Variants in DMD observed in about 807,000 individuals in gnomAD.
DMD encodes mutant dystrophin.
A neutral mutation model predicts 330.1 loss-of-function variants in DMD; 63 were observed. That is an observed-to-expected ratio of 0.19 (90% CI 0.16 to 0.24). The LOEUF is 0.24. Ranked by LOEUF, DMD falls within the 10% of genes least tolerant of loss-of-function variation. DMD has a pLI of 1.00. For missense variants in DMD, 3,344 were observed against 2,684.1 expected (o/e 1.25, Z -5.43); for synonymous variants, 1,223 against 959.8 (o/e 1.27, Z -5.07).
chrX:32,134,352 C>T (rs1454295162), intron 44 of DMD, among the ~76,000 whole-genome samples: 1 of 111,290 alleles, frequency 9.0e-6, no homozygotes. Flanking sequence ...TTCAACTGCC[C>T]AGTCACAGAG....
chrX:32,801,625 G>T (rs958974582), intron 7 of DMD, among the ~76,000 whole-genome samples: 1 of 111,480 alleles, frequency 9.0e-6, no homozygotes, highest in South Asian at 3.8e-4. Context: ...TTTCTTCTAG[G>T]GTTTTTATGG....
intron 2 of DMD, among the ~76,000 whole-genome samples, chrX:32,965,123 A>G (rs1476260452): frequency 8.9e-6 from 1 of 111,843 alleles, no homozygotes; most frequent in Non-Finnish European, 1.9e-5. Flanking sequence ...TGGAGGAAAC[A>G]GAGACAACAG....
chrX:31,314,653 T>G (rs1037293325), intron 62 of DMD, among the ~76,000 whole-genome samples: 2 of 110,493 alleles, frequency 1.8e-5, no homozygotes, highest in Non-Finnish European at 3.8e-5. Flanking sequence ...TTTTTCTATC[T>G]TGTACAACGG....
chrX:33,323,086 ACTT>A (rs1258668813), intron 1 of DMD, among the ~76,000 whole-genome samples: 2 of 111,807 alleles, frequency 1.8e-5, no homozygotes, highest in East Asian at 2.8e-4. Context: ...TATGAATTAG[ACTT>A]CTTCTTTTTA....
At chrX:32,433,034 G>A (rs1352975972) in intron 29 of DMD, among the ~76,000 whole-genome samples, 1 of 112,227 alleles carries the variant, frequency 8.9e-6, no homozygotes, top group East Asian at 2.8e-4. Flanking sequence ...AATAAGCCAC[G>A]AAAGAGGTGA....
intron 2 of DMD, among the ~76,000 whole-genome samples, chrX:32,889,348 C>T (rs189545478): frequency 9.0e-6 from 1 of 110,606 alleles, no homozygotes; most frequent in Admixed American, 9.6e-5. Flanking sequence ...GTTTCTTGAC[C>T]GTACAGAGAT....
chrX:32,996,565 G>A (rs1378205367), intron 2 of DMD, among the ~76,000 whole-genome samples: 2 of 111,830 alleles, frequency 1.8e-5, no homozygotes, highest in African/African-American at 6.5e-5. Flanking sequence ...GCTCATGCCT[G>A]TAATCCCAGC....
At chrX:32,636,718 G>C (rs1181653226) in intron 11 of DMD, among the ~76,000 whole-genome samples, 1 of 111,757 alleles carries the variant, frequency 8.9e-6, no homozygotes. Flanking sequence ...TCTTGGCCAG[G>C]CGTGGTGGCT....
chrX:32,572,549 A>AGTT (rs2052544167), intron 15 of DMD, among the ~76,000 whole-genome samples: 1 of 81,120 alleles, frequency 1.2e-5, no homozygotes, highest in Non-Finnish European at 2.8e-5. Context: ...GAAACTTTAG[A>AGTT]GTTTTTTTTT....
At chrX:32,347,704 G>A (rs1316120097) in intron 38 of DMD, among the ~76,000 whole-genome samples, 2 of 111,449 alleles carry the variant, frequency 1.8e-5, no homozygotes, top group African/African-American at 6.5e-5. Context: ...TGATGGCAGT[G>A]AAAGAGGGGA....
At chrX:31,126,122 C>A (rs766991309) in intron 78 of DMD, among the ~76,000 whole-genome samples, 7 of 111,784 alleles carry the variant, frequency 6.3e-5, no homozygotes, top group Non-Finnish European at 1.3e-4. Context: ...GAGAACAATG[C>A]TTGGCACACA....
chrX:32,890,558 C>T (rs2085105930), intron 2 of DMD, among the ~76,000 whole-genome samples: 1 of 110,981 alleles, frequency 9.0e-6, no homozygotes, highest in South Asian at 3.9e-4. Context: ...TTTTTCCTAT[C>T]CAACTCCAAA....
intron 41 of DMD, among the ~76,000 whole-genome samples, chrX:32,336,157 G>C (rs187212975): frequency 0.013 from 1,413 of 109,419 alleles, 10 homozygotes; most frequent in Non-Finnish European, 0.02. Context: ...CATGTTATCT[G>C]TGTGTGTATA....
intron 60 of DMD, among the ~76,000 whole-genome samples, chrX:31,381,920 C>T (rs1002179757): frequency 8.9e-6 from 1 of 111,817 alleles, no homozygotes; most frequent in Non-Finnish European, 1.9e-5. Context: ...TGCCCCCGCC[C>T]AGGACTGGCA....
intron 2 of DMD, among the ~76,000 whole-genome samples, chrX:32,940,795 T>C (rs776692768): frequency 2.2e-4 from 25 of 111,484 alleles, no homozygotes; most frequent in Non-Finnish European, 4.3e-4. Context: ...AACCAAAAAA[T>C]TGACAAGCGA....
intron 9 of DMD, among the ~76,000 whole-genome samples, chrX:32,671,789 G>C (rs1043180014): frequency 1.3e-4 from 15 of 111,514 alleles, no homozygotes; most frequent in African/African-American, 4.9e-4. Flanking sequence ...AGTCATCTGT[G>C]AGAAGAAAAT....
At chrX:32,593,990 C>G (rs1458734109) in intron 13 of DMD, among the ~76,000 whole-genome samples, 1 of 112,087 alleles carries the variant, frequency 8.9e-6, no homozygotes, top group African/African-American at 3.2e-5. Context: ...CAGAATATTA[C>G]ACTTCATAAG....
intron 45 of DMD, among the ~76,000 whole-genome samples, chrX:31,962,476 T>C (rs2095315393): frequency 8.9e-6 from 1 of 111,892 alleles, no homozygotes; most frequent in Non-Finnish European, 1.9e-5. Flanking sequence ...TATTAGATTC[T>C]GCATTTCTTA....
At chrX:31,781,788 T>A (rs976107443) in intron 50 of DMD, among the ~76,000 whole-genome samples, 3 of 111,409 alleles carry the variant, frequency 2.7e-5, no homozygotes, top group Non-Finnish European at 5.7e-5. Context: ...CTTGTCAGTA[T>A]CTCTGGCCAG....
Sources: allele counts gnomAD v4.1 joint callset (sites outside exome capture counted in the v4.1 genomes callset), GRCh38; gene constraint gnomAD v4.1.1; transcripts MANE v1.5; gene names NCBI Gene and HGNC (gene_info 2026-07-23, HGNC 2026-07-21).